Variants in ADGRL2 observed in about 807,000 individuals in gnomAD.
The protein encoded by ADGRL2 is calcium-independent alpha-latrotoxin receptor 2.
Under a neutral mutation model 157.4 loss-of-function variants are expected in ADGRL2, and 44 were observed. The ratio of observed to expected loss-of-function variants is 0.28; its 90% CI spans 0.22 to 0.36. The LOEUF (loss-of-function observed/expected upper bound fraction) is 0.36, where lower values mean the gene tolerates loss of function less well. Among genes scored for constraint, ADGRL2 ranks in the 10% least tolerant of loss-of-function variants. ADGRL2 has a pLI of 1.00. For missense variants in ADGRL2, 1,510 were observed against 1,768.9 expected (o/e 0.85, Z 2.63); for synonymous variants, 585 against 624.7 (o/e 0.94, Z 0.95).
upstream of ADGRL2, among the ~76,000 whole-genome samples, chr1:81,699,094 C>T (rs1010856126): frequency 6.6e-6 from 1 of 152,090 alleles, no homozygotes; most frequent in African/African-American, 2.4e-5. Flanking sequence ...CAACATACAA[C>T]ATACACAGCG....
At chr1:81,593,594 C>T (rs1337459603) in intron 3 of ADGRL2, among the ~76,000 whole-genome samples, 2 of 152,140 alleles carry the variant, frequency 1.3e-5, no homozygotes, top group African/African-American at 2.4e-5. Flanking sequence ...GCTTTTTCAG[C>T]GTACCTTAAT....
intron 1 of ADGRL2, among the ~76,000 whole-genome samples, chr1:81,836,042 A>T (rs571688150): frequency 4.4e-4 from 67 of 152,130 alleles, no homozygotes; most frequent in African/African-American, 1.5e-3. Context: ...ATGTGCAAGA[A>T]CTCAAAAGTT....
chr1:81,413,754 C>T (rs560070813), intron 1 of ADGRL2, among the ~76,000 whole-genome samples: 2 of 152,310 alleles, frequency 1.3e-5, no homozygotes, highest in East Asian at 3.9e-4. Context: ...GACAGCTTCT[C>T]ATTTTTTATG....
At chr1:81,453,801 T>A (rs1487230022) in intron 2 of ADGRL2, among the ~76,000 whole-genome samples, 1 of 152,200 alleles carries the variant, frequency 6.6e-6, no homozygotes, top group South Asian at 2.1e-4. Context: ...ATTAGCAATG[T>A]TGTGATGTCC....
At chr1:81,593,912 G>A (rs2081180801) in intron 3 of ADGRL2, among the ~76,000 whole-genome samples, 1 of 152,058 alleles carries the variant, frequency 6.6e-6, no homozygotes, top group African/African-American at 2.4e-5. Context: ...GAAGTTTGTT[G>A]GCATGGCTGA....
intron 1 of ADGRL2, among the ~76,000 whole-genome samples, chr1:81,725,222 G>C (rs896325144): frequency 8.5e-6 from 1 of 117,982 alleles, no homozygotes; most frequent in Non-Finnish European, 1.8e-5. Flanking sequence ...AAAAAAAAAA[G>C]AACAAAAAAC....
intron 2 of ADGRL2, among the ~76,000 whole-genome samples, chr1:81,886,082 TTGAAAGCAGCTTTAAA>T (rs1433587422): frequency 6.6e-6 from 1 of 152,222 alleles, no homozygotes; most frequent in African/African-American, 2.4e-5. Context: ...ATCTTTTTTG[TTGAAAGCAGCTTTAAA>T]TAATTTATAC....
chr1:81,424,352 A>G (rs1282873182), intron 1 of ADGRL2, among the ~76,000 whole-genome samples: 1 of 152,210 alleles, frequency 6.6e-6, no homozygotes, highest in African/African-American at 2.4e-5. Flanking sequence ...GTAAAACAAC[A>G]TTGCTTTTAA....
Position 81,445,594 on chromosome 1 carries a change from A to G in ADGRL2, c.-248+505A>G, listed in dbSNP as rs978200490. Among the ~76,000 whole-genome samples, 5 of 152,216 alleles carry G rather than the reference A, an allele frequency of 3.3e-5. No individual in the cohort carries two copies. The South Asian group carries it at 6.2e-4, about 19-fold the overall frequency. The stretch of plus-strand genomic sequence containing the variant: ...ACGGCCTCATATTTCTGTTTCTCTG[A>G]ATCATGATCATCATTTGCTTTCCTG... On this transcript the variant is annotated intron_variant, in intron 2 of 24. Transcript: ENST00000370721.
chr1:81,787,553 G>T (rs1484686196), intron 2 of ADGRL2, among the ~76,000 whole-genome samples: 1 of 152,180 alleles, frequency 6.6e-6, no homozygotes, highest in East Asian at 1.9e-4. Context: ...TACTCGGGAA[G>T]CTGAGGCAGG....
chr1:81,428,417 C>T (rs2077258727), intron 1 of ADGRL2, among the ~76,000 whole-genome samples: 1 of 151,960 alleles, frequency 6.6e-6, no homozygotes, highest in Non-Finnish European at 1.5e-5. Context: ...ACTTTCCTTC[C>T]ACTCCCTGAA....
chr1:81,379,916 G>A (rs1457734511), intron 1 of ADGRL2, among the ~76,000 whole-genome samples: 1 of 152,164 alleles, frequency 6.6e-6, no homozygotes, highest in Non-Finnish European at 1.5e-5. Context: ...TAGGTCCGTG[G>A]GGGTAGAGCC....
intron 3 of ADGRL2, among the ~76,000 whole-genome samples, chr1:81,654,023 G>A (rs542221390): frequency 6.6e-6 from 1 of 152,206 alleles, no homozygotes; most frequent in Admixed American, 6.5e-5. Flanking sequence ...TGGGCTCACT[G>A]CAACCTCCAT....
intron 3 of ADGRL2, among the ~76,000 whole-genome samples, chr1:81,614,847 T>TA (rs112809079): frequency 0.13 from 18,174 of 145,190 alleles, 1,512 homozygotes; most frequent in Non-Finnish European, 0.18. Context: ...CTCTACAAAT[T>TA]AAAAAAAAAA....
Position 81,482,399 on chromosome 1 carries a change from TA to T in ADGRL2, c.-248+37318del, listed in dbSNP as rs144358523. Among the ~76,000 whole-genome samples, 150 of 152,154 alleles carry T rather than the reference TA, an allele frequency of 9.9e-4. 1 individual carries two copies. Among genetic ancestry groups the T allele is most frequent in the Middle Eastern group, 3.4e-3 (1 of 294 alleles). On this transcript the variant is annotated intron_variant, in intron 2 of 24. Coordinates refer to the ADGRL2 transcript ENST00000370721. ...AATACGTGTTTATTATAGAACAACT[TA>T]AAAAAAATTATCTTTGCTCTTGTCC... is the stretch of plus-strand genomic sequence containing the variant.
intron 2 of ADGRL2, among the ~76,000 whole-genome samples, chr1:81,782,145 T>C (rs1241978473): frequency 6.6e-6 from 1 of 152,188 alleles, no homozygotes; most frequent in African/African-American, 2.4e-5. Context: ...GGTCATAAAC[T>C]ACCAGCAAGC....
At chr1:81,527,662 AG>A (rs1459290613) in intron 2 of ADGRL2, among the ~76,000 whole-genome samples, 1 of 151,842 alleles carries the variant, frequency 6.6e-6, no homozygotes, top group African/African-American at 2.4e-5. Flanking sequence ...CAGTGAGCCA[AG>A]ATCGCGCCAC....
intron 1 of ADGRL2, among the ~76,000 whole-genome samples, chr1:81,379,968 C>A (rs2076315950): frequency 6.6e-6 from 1 of 152,192 alleles, no homozygotes. Context: ...CACTTCCCTT[C>A]CCCTCTTCTG....
intron 1 of ADGRL2, among the ~76,000 whole-genome samples, chr1:81,383,885 C>A (rs545112753): frequency 1.4e-5 from 2 of 138,376 alleles, no homozygotes; most frequent in African/African-American, 5.4e-5. Flanking sequence ...ACCCAGGAGG[C>A]GGAGGTTGCA....
Sources: gnomAD v4.1 joint callset for allele counts (sites outside exome capture counted in the v4.1 genomes callset) on GRCh38, gnomAD v4.1.1 for gene constraint, MANE v1.5 for transcripts, NCBI Gene and HGNC (gene_info 2026-07-23, HGNC 2026-07-21) for gene names.